B3GALT1: variants seen among roughly 807,000 people sequenced by gnomAD.
B3GALT1 encodes beta-1,3-galactosyltransferase 1.
A neutral mutation model predicts 23.2 loss-of-function variants in B3GALT1; 10 were observed. The ratio of observed to expected loss-of-function variants is 0.43; its 90% CI spans 0.27 to 0.73. The LOEUF is 0.73. B3GALT1 is among the 30% of genes least tolerant of loss of function. The pLI is 0.21. For missense variants in B3GALT1, 299 were observed against 405.4 expected (o/e 0.74, Z 2.25); for synonymous variants, 156 against 141.5 (o/e 1.10, Z -0.73).
At chr2:167,802,482 G>C (rs1393693882) in intron 3 of B3GALT1, among the ~76,000 whole-genome samples, 1 of 152,188 alleles carries the variant, frequency 6.6e-6, no homozygotes, top group African/African-American at 2.4e-5. Context: ...CAGAGGTCTA[G>C]AGAATGAAAA....
At chr2:167,387,375 G>T (rs1033926715) in intron 1 of B3GALT1, among the ~76,000 whole-genome samples, 1 of 152,164 alleles carries the variant, frequency 6.6e-6, no homozygotes, top group African/African-American at 2.4e-5. Flanking sequence ...CTTCAAAATT[G>T]TAAAATTGGA....
At chr2:167,455,577 G>A (rs757535132) in intron 1 of B3GALT1, among the ~76,000 whole-genome samples, 63 of 152,006 alleles carry the variant, frequency 4.1e-4, no homozygotes, top group Non-Finnish European at 7.4e-4. Flanking sequence ...GCAGTGGTGC[G>A]ATCTCGGCTC....
intron 1 of B3GALT1, among the ~76,000 whole-genome samples, chr2:167,325,702 CTTTTTTTT>C (rs61066636): frequency 1.8e-5 from 2 of 110,574 alleles, no homozygotes; most frequent in Non-Finnish European, 3.9e-5. Flanking sequence ...ACCCTGTTTT[CTTTTTTTT>C]TTTTTTTTTT....
chr2:167,355,671 A>G (rs888652613), intron 1 of B3GALT1, among the ~76,000 whole-genome samples: 1 of 152,128 alleles, frequency 6.6e-6, no homozygotes, highest in Non-Finnish European at 1.5e-5. Flanking sequence ...TATGTTTTTT[A>G]TATTCCTGAA....
intron 1 of B3GALT1, among the ~76,000 whole-genome samples, chr2:167,454,852 A>C (rs1420663422): frequency 6.6e-6 from 1 of 152,090 alleles, no homozygotes; most frequent in East Asian, 1.9e-4. Context: ...CAACTTAACA[A>C]ACATATATTG....
rs867971677 is a variant in B3GALT1, at chr2:167,293,068, T to G, written c.-777T>G. 2.6e-5 allele frequency: 4 copies of G among 151,416 alleles called. No homozygotes were observed. The highest frequency in any genetic ancestry group is 7.2e-5 in the African/African-American group (3 of 41,454). 9.4% of individuals were successfully genotyped at this position (151,416 alleles called of 1,614,324 possible). A position where few individuals can be genotyped will look rare whatever the true frequency, so the allele number is the denominator to read the frequency against. On this transcript the variant is annotated 5_prime_UTR_variant, in exon 1 of 5. Transcript: ENST00000392690. ...GCTGCCGCCGCGGCTGCTCGGCTAG[T>G]GCAGCTGGGCGAGCTCGCGCGGGCG...
At chr2:167,466,464 A>C (rs920103105) in intron 1 of B3GALT1, among the ~76,000 whole-genome samples, 1 of 151,352 alleles carries the variant, frequency 6.6e-6, no homozygotes, top group Non-Finnish European at 1.5e-5. Flanking sequence ...CTAAAAATAC[A>C]AAAAACTTAG....
At position 167,389,451 on chromosome 2, in the gene B3GALT1, C is replaced by T. The variant is rs116058970; in HGVS notation, c.-511+96117C>T. Reference sequence around the variant, plus strand: ...CTGCAATGCCTGAAGGAAACGACTACCCTAAAAAGAGTGTCTGCTGGAGAA... The same window carrying T: ...CTGCAATGCCTGAAGGAAACGACTATCCTAAAAAGAGTGTCTGCTGGAGAA... On this transcript the variant is annotated intron_variant, in intron 1 of 4. Coordinates refer to ENST00000392690, the MANE Select transcript of B3GALT1 (RefSeq NM_020981.4). 9.5e-3 allele frequency among the ~76,000 whole-genome samples: 1,444 copies of T among 152,190 alleles called. 23 individuals are homozygous for T. The highest frequency in any genetic ancestry group is 0.032 in the African/African-American group (1,344 of 41,514).
intron 3 of B3GALT1, chr2:167,714,957 A>G (rs890245046): frequency 2.5e-6 from 4 of 1,611,606 alleles, no homozygotes; most frequent in Admixed American, 1.7e-5. Flanking sequence ...CTTTCAAAAT[A>G]TATGTTTTCT....
At chr2:167,394,903 T>C (rs1421728419) in intron 1 of B3GALT1, among the ~76,000 whole-genome samples, 1 of 152,218 alleles carries the variant, frequency 6.6e-6, no homozygotes. Context: ...GTATCTGTTA[T>C]CTTATGCGTT....
intron 1 of B3GALT1, among the ~76,000 whole-genome samples, chr2:167,423,824 C>G (rs1330419961): frequency 1.3e-5 from 2 of 152,112 alleles, no homozygotes; most frequent in Non-Finnish European, 2.9e-5. Flanking sequence ...TAATTCCCCC[C>G]ACTTCCCCAC....
intron 1 of B3GALT1, among the ~76,000 whole-genome samples, chr2:167,370,077 A>G (rs1462230267): frequency 6.6e-6 from 1 of 152,224 alleles, no homozygotes; most frequent in Non-Finnish European, 1.5e-5. Context: ...TTAAATGCAA[A>G]GGAAGTTACT....
intron 1 of B3GALT1, among the ~76,000 whole-genome samples, chr2:167,461,420 G>A (rs1699257340): frequency 1.3e-5 from 2 of 152,050 alleles, no homozygotes; most frequent in South Asian, 2.1e-4. Context: ...TTTCTAGGTG[G>A]GGAGACAGAT....
At chr2:167,748,361 T>G (rs1687683231) in intron 3 of B3GALT1, among the ~76,000 whole-genome samples, 1 of 152,112 alleles carries the variant, frequency 6.6e-6, no homozygotes, top group South Asian at 2.1e-4. Flanking sequence ...TCATCATTGA[T>G]GAAAAGAATT....
At chr2:167,814,660 A>AGAT (rs1688957775) in intron 3 of B3GALT1, 1 of 152,150 alleles carries the variant, frequency 6.6e-6, no homozygotes, top group South Asian at 2.1e-4. Flanking sequence ...CGGGAGGCTG[A>AGAT]GATAGAAGAA....
chr2:167,460,234 C>T (rs913128776), intron 1 of B3GALT1, among the ~76,000 whole-genome samples: 1 of 152,172 alleles, frequency 6.6e-6, no homozygotes, highest in African/African-American at 2.4e-5. Context: ...AGTTCAACAA[C>T]ACATATACTG....
At chr2:167,666,334 T>C (rs1484948519) in intron 3 of B3GALT1, among the ~76,000 whole-genome samples, 1 of 152,232 alleles carries the variant, frequency 6.6e-6, no homozygotes, top group African/African-American at 2.4e-5. Context: ...ATAATTTCTG[T>C]TCTTTTACAT....
Position 167,462,032 on chromosome 2 carries a change from G to C in B3GALT1, c.-510-28145G>C, listed in dbSNP as rs967197464. On this transcript the variant is annotated intron_variant, in intron 1 of 4. Transcript: ENST00000392690. Reference sequence around the variant, plus strand: ...CACACCACTTCATAGCAGATGTCAAGCTACCAGTGTGTCATCACCGAAGGA... The same window carrying C: ...CACACCACTTCATAGCAGATGTCAACCTACCAGTGTGTCATCACCGAAGGA... Among the ~76,000 whole-genome samples, 4 of 152,254 alleles carry C rather than the reference G, an allele frequency of 2.6e-5. No homozygotes were observed. In the South Asian group the frequency reaches 8.3e-4, roughly 32 times the overall value.
chr2:167,620,605 C>T (rs967005817), intron 2 of B3GALT1, among the ~76,000 whole-genome samples: 3 of 152,194 alleles, frequency 2.0e-5, no homozygotes, highest in East Asian at 1.9e-4. Flanking sequence ...GTGCCCAAAA[C>T]TTGTGGCACT....
Sources: allele counts gnomAD v4.1 joint callset (sites outside exome capture counted in the v4.1 genomes callset), GRCh38; gene constraint gnomAD v4.1.1; transcripts MANE v1.5; gene names NCBI Gene and HGNC (gene_info 2026-07-23, HGNC 2026-07-21).